Variants in CLIP4 observed in about 807,000 individuals in gnomAD.
The protein encoded by CLIP4 is CAP-Gly domain-containing linker protein 4.
A neutral mutation model predicts 73.1 loss-of-function variants in CLIP4; 47 were observed. That is an observed-to-expected ratio of 0.64 (90% CI 0.51 to 0.82). CLIP4 has a LOEUF of 0.82. CLIP4 is among the 40% of genes least tolerant of loss of function. CLIP4 has a pLI of 0.00. For missense variants in CLIP4, 874 were observed against 852.9 expected, an observed-to-expected ratio of 1.02 and a Z score of -0.31; for synonymous variants, 306 against 295.4, an observed-to-expected ratio of 1.04 and a Z score of -0.37.
upstream of CLIP4, among the ~76,000 whole-genome samples, chr2:29,113,549 G>C (rs1323046216): frequency 6.6e-6 from 1 of 152,198 alleles, no homozygotes; most frequent in Non-Finnish European, 1.5e-5. The surrounding 1 kb of genome is among the most constrained non-coding windows in gnomAD (Gnocchi z 4.0). Flanking sequence ...TTTGAACAAA[G>C]GCAACTAAGT....
At chr2:29,113,769 C>A (rs762138467), upstream of CLIP4, among the ~76,000 whole-genome samples, 3 of 152,210 alleles carry the variant, frequency 2.0e-5, no homozygotes, top group Non-Finnish European at 2.9e-5. This position sits in a 1 kb window ranked among gnomAD's most constrained non-coding sequence, Gnocchi z 4.0. Context: ...GAACTGTATA[C>A]GTTTGGAAAC....
At chr2:29,117,461 AG>A (rs2148453936) in intron 1 of CLIP4, among the ~76,000 whole-genome samples, 1 of 151,656 alleles carries the variant, frequency 6.6e-6, no homozygotes, top group East Asian at 1.9e-4. Flanking sequence ...GTTCTGCCTG[AG>A]CCTCTCGAGC....
chr2:29,157,092 A>G, intron 10 of CLIP4, 112 bp from the exon 11 acceptor site: 1 of 873,410 alleles, frequency 1.1e-6, no homozygotes, highest in Admixed American at 1.9e-5. Context: ...ACACTAGATA[A>G]TCCATAATTG....
intron 8 of CLIP4, among the ~76,000 whole-genome samples, chr2:29,146,750 G>A (rs570335937): frequency 2.0e-5 from 3 of 152,290 alleles, no homozygotes; most frequent in African/African-American, 7.2e-5. Flanking sequence ...TACCAGCTAT[G>A]TGACTGTCTT....
rs1194277385 is a variant in CLIP4, at chr2:29,122,880, G to C, written c.133+1359G>C. Among the ~76,000 whole-genome samples the C allele has an allele frequency of 3.6e-5, 5 of 137,670 alleles. No individual in the cohort carries two copies. The Admixed American group carries it at 3.7e-4, about 10-fold the overall frequency. The allele number at this position is 137,670 out of a possible 152,430, so 90.3% of individuals were successfully genotyped here. A position where few individuals can be genotyped will look rare whatever the true frequency, so the allele number is the denominator to read the frequency against. ...TGTAGTCTTAGAATTATAGGTTTTTGTAGACTCTTATGAACCTTTCCCCAC... is the reference window on the plus strand; with the variant it reads ...TGTAGTCTTAGAATTATAGGTTTTTCTAGACTCTTATGAACCTTTCCCCAC... On this transcript the variant is annotated intron_variant, in intron 2 of 15. Transcript: ENST00000320081.
chr2:29,163,615 G>T (rs1471371599), intron 12 of CLIP4, among the ~76,000 whole-genome samples: 3 of 152,052 alleles, frequency 2.0e-5, no homozygotes, highest in African/African-American at 7.2e-5. Flanking sequence ...TTAATGTACT[G>T]CTCTGCAATT....
intron 11 of CLIP4, among the ~76,000 whole-genome samples, chr2:29,158,078 C>T (rs1282840797): frequency 1.3e-5 from 2 of 152,170 alleles, no homozygotes; most frequent in African/African-American, 4.8e-5. Context: ...CTCCAAAGCT[C>T]TCAACAATAA....
At chr2:29,117,110 G>A (rs1663908555) in intron 1 of CLIP4, among the ~76,000 whole-genome samples, 1 of 152,148 alleles carries the variant, frequency 6.6e-6, no homozygotes, top group African/African-American at 2.4e-5. Context: ...TTTGTGTCTT[G>A]TTTCAGGCAT....
chr2:29,138,836 G>T (rs939526929), intron 6 of CLIP4, among the ~76,000 whole-genome samples: 1 of 152,016 alleles, frequency 6.6e-6, no homozygotes, highest in Non-Finnish European at 1.5e-5. Context: ...ACTGATTTTC[G>T]TATATTGATT....
At chr2:29,167,419 AG>A (rs1558576133) in intron 13 of CLIP4, 56 bp from the exon 14 acceptor site, 1 of 1,217,310 alleles carries the variant, frequency 8.2e-7, no homozygotes, top group Non-Finnish European at 1.2e-6. Flanking sequence ...GTTGATAACC[AG>A]TCTTAAACCT....
upstream of CLIP4, among the ~76,000 whole-genome samples, chr2:29,112,948 A>G (rs1431242605): frequency 6.6e-6 from 1 of 152,254 alleles, no homozygotes; most frequent in Non-Finnish European, 1.5e-5. Flanking sequence ...AGCTGCTGAC[A>G]GATCTTCCTG....
upstream of CLIP4, among the ~76,000 whole-genome samples, chr2:29,110,781 C>T (rs1200501580): frequency 6.6e-6 from 1 of 152,150 alleles, no homozygotes; most frequent in African/African-American, 2.4e-5. Context: ...CTCCACCTCC[C>T]AGGTTCCAGC....
At chr2:29,104,399 C>T (rs1668141528) in intron 1 of CLIP4, among the ~76,000 whole-genome samples, 1 of 152,190 alleles carries the variant, frequency 6.6e-6, no homozygotes, top group Non-Finnish European at 1.5e-5. Context: ...CCTCAACCTC[C>T]TGAGTAGCTG....
rs573397450 is a variant in CLIP4, at chr2:29,181,404, A to G, written c.1797-168A>G. On this transcript the variant is annotated intron_variant, in intron 15 of 15. Transcript: ENST00000320081. Reference sequence around the variant, plus strand: ...TGTGTAGTTCATGGGTCAACTGTATACTCTAAAACTGCTATTTAAAATTTA... The same window carrying G: ...TGTGTAGTTCATGGGTCAACTGTATGCTCTAAAACTGCTATTTAAAATTTA... Among the ~76,000 whole-genome samples the G allele has an allele frequency of 6.4e-4, 98 of 152,228 alleles. 2 individuals are homozygous for G. The South Asian group carries it at 0.012, about 19-fold the overall frequency.
chr2:29,135,566 G>A lies in CLIP4; in HGVS notation c.548G>A (p.Ser183Asn), dbSNP rs1161199974. 1.2e-6 allele frequency: 2 copies of A among 1,608,164 alleles called. No homozygotes were observed. The highest frequency in any genetic ancestry group is 1.7e-6 in the Non-Finnish European group (2 of 1,177,908). Reference sequence around the variant, plus strand: ...ATTGCAGATGTGGATGCCACTTGCAGTGATTTTAATTTTGGAACAGCTTTG... The same window carrying A: ...ATTGCAGATGTGGATGCCACTTGCAATGATTTTAATTTTGGAACAGCTTTG... ...SKPKDVDATC[S>N]DFNFGTALHI... Residue 183 changes from serine to asparagine, a missense_variant, in exon 6 of 16, where the codon AGT becomes AAT. Physicochemically the swap from Ser to Asn is conservative, Grantham distance 46. Coordinates refer to ENST00000320081, the MANE Select transcript of CLIP4 (RefSeq NM_024692.6).
At chr2:29,134,038 T>C (rs1176413323) in intron 5 of CLIP4, among the ~76,000 whole-genome samples, 1 of 152,102 alleles carries the variant, frequency 6.6e-6, no homozygotes, top group Non-Finnish European at 1.5e-5. Flanking sequence ...GAAAGAGTGT[T>C]CTCTGGGTTT....
At chr2:29,180,840 ATGTGTGTG>A (rs72495863) in intron 15 of CLIP4, among the ~76,000 whole-genome samples, 82 of 150,368 alleles carry the variant, frequency 5.5e-4, no homozygotes, top group African/African-American at 1.9e-3. Flanking sequence ...ATATATATGT[ATGTGTGTG>A]TGTGTGTGTG....
intron 14 of CLIP4, among the ~76,000 whole-genome samples, chr2:29,168,103 A>T (rs1000532065): frequency 3.3e-5 from 5 of 152,176 alleles, no homozygotes; most frequent in African/African-American, 1.2e-4. Flanking sequence ...CATGGACCAG[A>T]GCCTCTGCTT....
rs563754673 is a variant in CLIP4 at position 29,128,764 on chromosome 2, T to A, written c.134-2494T>A. 3.9e-5 allele frequency among the ~76,000 whole-genome samples: 6 copies of A among 152,284 alleles called. No individual in the cohort carries two copies. In the South Asian group the frequency reaches 1.2e-3, roughly 32 times the overall value. Reference sequence around the variant, plus strand: ...CTGAACTTCCTATAGCCATTTTGGTTTTTTTCCTTCATTTTCTTTTTCAGC... The same window carrying A: ...CTGAACTTCCTATAGCCATTTTGGTATTTTTCCTTCATTTTCTTTTTCAGC... On this transcript the variant is annotated intron_variant, in intron 2 of 15. Transcript: ENST00000320081.
Sources: allele counts gnomAD v4.1 joint callset (sites outside exome capture counted in the v4.1 genomes callset), GRCh38; gene constraint gnomAD v4.1.1; non-coding constraint Gnocchi (gnomAD v3.1); transcripts MANE v1.5; gene names NCBI Gene and HGNC (gene_info 2026-07-23, HGNC 2026-07-21).